Variants in IFT52 observed in about 807,000 individuals in gnomAD.
IFT52 encodes intraflagellar transport 52.
IFT52 carries 44 observed loss-of-function variants against 54.4 expected under a neutral mutation model. The ratio of observed to expected loss-of-function variants is 0.81; its 90% CI spans 0.63 to 1.04. The LOEUF is 1.04. Ranked by LOEUF, IFT52 falls within the 50% of genes least tolerant of loss-of-function variation. IFT52 has a pLI of 0.00. For synonymous variants in IFT52, 181 were observed against 185.3 expected (o/e 0.98, Z 0.19); for missense variants, 452 against 523.6 (o/e 0.86, Z 1.33).
chr20:43,635,441 C>T (rs545785185), intron 10 of IFT52, among the ~76,000 whole-genome samples: 34 of 152,142 alleles, frequency 2.2e-4, no homozygotes, highest in Middle Eastern at 3.4e-3. Flanking sequence ...GGATTATAGG[C>T]GCCAGCCACC....
intron 9 of IFT52, among the ~76,000 whole-genome samples, chr20:43,621,592 A>G (rs1203926504): frequency 1.3e-5 from 2 of 152,198 alleles, no homozygotes. Context: ...CCTCCTGAGT[A>G]GCTGGGATTA....
chr20:43,615,393 T>C (rs1395551467), intron 7 of IFT52, among the ~76,000 whole-genome samples: 1 of 152,016 alleles, frequency 6.6e-6, no homozygotes, highest in Non-Finnish European at 1.5e-5. Context: ...ATCTGCCCCC[T>C]AAGACAGAAT....
chr20:43,603,082 A>G lies in IFT52; in HGVS notation c.208-678A>G, dbSNP rs186389166. The stretch of plus-strand genomic sequence containing the variant: ...TTTTCTGCTGGAGTGCTTGATGAAG[A>G]AAGTTGAGAAACTATTTGTCTGGAC... On this transcript the variant is annotated intron_variant, in intron 3 of 13. Transcript: ENST00000373030. Among the ~76,000 whole-genome samples, 296 of 152,298 alleles carry G rather than the reference A, an allele frequency of 1.9e-3. 1 individual carries two copies. Among genetic ancestry groups the G allele is most frequent in the Admixed American group, 3.1e-3 (48 of 15,290 alleles).
Position 43,623,860 on chromosome 20 carries a change from G to T in IFT52, c.769-31G>T, listed in dbSNP as rs1422111743. On this transcript the variant is annotated intron_variant, in intron 9 of 13. Transcript: ENST00000373030. Reference sequence around the variant, plus strand: ...GACAGAATAAATGCTTGCTCTTGCTGTGCTAAAAGGAACCCTCTTGTGGCT... The same window carrying T: ...GACAGAATAAATGCTTGCTCTTGCTTTGCTAAAAGGAACCCTCTTGTGGCT... 3.1e-6 allele frequency: 5 copies of T among 1,609,688 alleles called. No individual in the cohort carries two copies. The East Asian group carries it at 1.1e-4, about 36-fold the overall frequency.
chr20:43,626,250 G>C (rs1984708466), intron 10 of IFT52, among the ~76,000 whole-genome samples: 1 of 151,422 alleles, frequency 6.6e-6, no homozygotes, highest in South Asian at 2.1e-4. Context: ...TTCATCTAAA[G>C]CATACATCTT....
Position 43,636,022 on chromosome 20 carries a change from G to T in IFT52, c.1011+9G>T, listed in dbSNP as rs771105162. The T allele has an allele frequency of 1.1e-5, 17 of 1,613,694 alleles. No homozygotes were observed. In the South Asian group the frequency reaches 1.9e-4, roughly 18 times the overall value. The stretch of plus-strand genomic sequence containing the variant: ...CAACCCTTCAGCCTGCGGTGAGTAG[G>T]TGTGCTTGGGAGATCCCACTGCAGA... On this transcript the variant is annotated intron_variant, in intron 11 of 13. Transcript: ENST00000373030.
chr20:43,593,034 G>A (rs1231139138), intron 1 of IFT52, among the ~76,000 whole-genome samples: 1 of 152,188 alleles, frequency 6.6e-6, no homozygotes, highest in Non-Finnish European at 1.5e-5. Context: ...GGGAGGTCAA[G>A]GCTACAGTGA....
intron 6 of IFT52, among the ~76,000 whole-genome samples, chr20:43,612,540 A>T (rs1057338173): frequency 1.3e-5 from 2 of 152,018 alleles, no homozygotes; most frequent in African/African-American, 2.4e-5. Flanking sequence ...AAAAAATATA[A>T]AAATTAGTAG....
chr20:43,642,763 A>G, intron 13 of IFT52, 139 bp downstream of exon 13: 1 of 791,186 alleles, frequency 1.3e-6, no homozygotes, highest in South Asian at 1.9e-5. Context: ...CAAAACAGAC[A>G]ATAAACCCTG....
intron 6 of IFT52, chr20:43,605,292 T>G: frequency 1.6e-6 from 2 of 1,221,904 alleles, no homozygotes; most frequent in South Asian, 1.7e-5. Flanking sequence ...ACGCCTGTAA[T>G]CCTAGCACTT....
chr20:43,640,034 C>T (rs561278185), intron 12 of IFT52, among the ~76,000 whole-genome samples: 1 of 151,626 alleles, frequency 6.6e-6, no homozygotes, highest in South Asian at 2.1e-4. Context: ...CATGGTGGCT[C>T]ACTCCTGTAG....
At chr20:43,611,135 A>G (rs1983412653) in intron 6 of IFT52, among the ~76,000 whole-genome samples, 1 of 152,090 alleles carries the variant, frequency 6.6e-6, no homozygotes, top group Admixed American at 6.6e-5. Flanking sequence ...TGAGGTATGG[A>G]CTAGTCCTGC....
chr20:43,622,364 C>T (rs1019470158), intron 9 of IFT52, among the ~76,000 whole-genome samples: 27 of 151,914 alleles, frequency 1.8e-4, no homozygotes, highest in African/African-American at 5.8e-4. Context: ...TTTGGGAGGC[C>T]GAGGCGGGCG....
At chr20:43,617,104 A>G (rs551764733) in intron 7 of IFT52, among the ~76,000 whole-genome samples, 9 of 152,118 alleles carry the variant, frequency 5.9e-5, no homozygotes, top group Non-Finnish European at 8.8e-5. Flanking sequence ...CCTTTATAAT[A>G]TGAAATTTAA....
intron 2 of IFT52, 144 bp from the exon 3 acceptor site, chr20:43,596,291 G>C: frequency 1.8e-6 from 1 of 570,348 alleles, no homozygotes; most frequent in Non-Finnish European, 3.1e-6. Flanking sequence ...CTCACTTTGG[G>C]AGAGAGACTG....
chr20:43,602,143 T>TTTTTTTTATTTA (rs1555801614), intron 3 of IFT52, among the ~76,000 whole-genome samples: 1 of 145,562 alleles, frequency 6.9e-6, no homozygotes, highest in African/African-American at 2.6e-5. Context: ...CTGATTTTTA[T>TTTTTTTTATTTA]TTTATTTATT....
rs1031804955 is a variant in IFT52 at position 43,590,982 on chromosome 20, T to C, written c.-79T>C. 5 of 152,256 alleles carry C rather than the reference T, an allele frequency of 3.3e-5. No homozygotes were observed. Among genetic ancestry groups the C allele is most frequent in the Non-Finnish European group, 4.4e-5 (3 of 68,044 alleles). The allele number at this position is 152,256 out of a possible 1,614,324, so 9.4% of individuals were successfully genotyped here. On this transcript the variant is annotated 5_prime_UTR_variant, in exon 1 of 14. Transcript: ENST00000373030. ...CGGCGCACCGACGCGCCTCTCCGGTTACTAAGCGGCCTTGGATACCTGGCC... is the reference window on the plus strand; with the variant it reads ...CGGCGCACCGACGCGCCTCTCCGGTCACTAAGCGGCCTTGGATACCTGGCC...
chr20:43,591,884 A>C (rs1032140660), intron 1 of IFT52, among the ~76,000 whole-genome samples: 2 of 152,152 alleles, frequency 1.3e-5, no homozygotes, highest in African/African-American at 4.8e-5. Flanking sequence ...AAAATAAATA[A>C]ATTAATTTAA....
At chr20:43,611,897 G>C (rs562464139) in intron 6 of IFT52, among the ~76,000 whole-genome samples, 1 of 151,858 alleles carries the variant, frequency 6.6e-6, no homozygotes, top group East Asian at 2.0e-4. Flanking sequence ...GGGCGTGGTG[G>C]TGCACACCTG....
Sources: allele counts gnomAD v4.1 joint callset (sites outside exome capture counted in the v4.1 genomes callset), GRCh38; gene constraint gnomAD v4.1.1; transcripts MANE v1.5; gene names NCBI Gene and HGNC (gene_info 2026-07-23, HGNC 2026-07-21).